The following LY75 variants were observed in gnomAD, a reference collection of about 807,000 sequenced individuals.
LY75 encodes the protein C-type lectin domain family 13 member B.
LY75 carries 185 observed loss-of-function variants against 231.7 expected under a neutral mutation model. The ratio of observed to expected loss-of-function variants is 0.80; its 90% CI spans 0.71 to 0.90. LY75 has a LOEUF of 0.90. Among genes scored for constraint, LY75 ranks in the 40% least tolerant of loss-of-function variants. The pLI is 0.00. For missense variants in LY75, 1,947 were observed against 2,050.2 expected (o/e 0.95, Z 0.97); for synonymous variants, 668 against 689.0 (o/e 0.97, Z 0.48).
At chr2:159,891,120 T>C (rs1390700541) in intron 3 of LY75, among the ~76,000 whole-genome samples, 1 of 152,168 alleles carries the variant, frequency 6.6e-6, no homozygotes, top group African/African-American at 2.4e-5. Flanking sequence ...CAATGCAGGC[T>C]GTGTCAAGTG....
intron 31 of LY75, among the ~76,000 whole-genome samples, chr2:159,813,530 C>T (rs938465554): frequency 1.3e-5 from 2 of 152,090 alleles, no homozygotes; most frequent in East Asian, 1.9e-4. Flanking sequence ...GAATCTGTCT[C>T]GTGCCTCCCT....
At chr2:159,853,724 T>C (rs1314051686) in intron 18 of LY75, 27 bp from the exon 19 acceptor site, 1 of 1,612,726 alleles carries the variant, frequency 6.2e-7, no homozygotes, top group Non-Finnish European at 8.5e-7. Context: ...ACATCCATCC[T>C]TATATGTGCT....
chr2:159,882,506 C>T (rs547488071), intron 6 of LY75, among the ~76,000 whole-genome samples, 191 bp from the exon 7 acceptor site: 23 of 152,092 alleles, frequency 1.5e-4, no homozygotes, highest in Non-Finnish European at 2.8e-4. Flanking sequence ...TAGGAATTCC[C>T]GCTGGGATTC....
intron 28 of LY75, among the ~76,000 whole-genome samples, chr2:159,825,431 G>A (rs2556093): frequency 0.41 from 62,148 of 152,034 alleles, 14,396 homozygotes; most frequent in Non-Finnish European, 0.52. Flanking sequence ...CCCTGAATAA[G>A]CCAATAACAA....
chr2:159,838,490 G>A (rs139767981), intron 25 of LY75, among the ~76,000 whole-genome samples: 46 of 152,208 alleles, frequency 3.0e-4, no homozygotes, highest in African/African-American at 1.1e-3. Context: ...CCAAAATATT[G>A]ATTGAATCAT....
chr2:159,803,627 A>AGT lies in LY75; in HGVS notation c.*1416_*1417insAC, dbSNP rs1396270477. On this transcript the variant is annotated 3_prime_UTR_variant, in exon 35 of 35. Transcript: ENST00000263636. ...AATAAATCTATGGATTTTATACAAA[A>AGT]ATAAAGTACAAATGTAAGTTAAATG... The AGT allele has an allele frequency of 1.4e-3, 28 of 19,476 alleles. No individual in the cohort carries two copies. Among genetic ancestry groups the AGT allele is most frequent in the South Asian group, 6.3e-3 (5 of 788 alleles). The allele number at this position is 19,476 out of a possible 1,614,324, so 1.2% of individuals were successfully genotyped here.
intron 29 of LY75, among the ~76,000 whole-genome samples, 195 bp downstream of exon 29, chr2:159,819,531 A>G (rs1160035412): frequency 6.6e-6 from 1 of 152,152 alleles, no homozygotes. Flanking sequence ...TGTCTCCACA[A>G]CTACATTTTA....
chr2:159,886,553 A>T (rs1040356850), intron 4 of LY75, 23 bp from the exon 5 acceptor site: 4 of 1,570,214 alleles, frequency 2.5e-6, no homozygotes, highest in Admixed American at 1.8e-5. Flanking sequence ...AAAAATTTTT[A>T]AAAAGTGACA....
At chr2:159,834,244 T>G (rs775137996) in intron 26 of LY75, 33 bp from the exon 27 acceptor site, 2 of 1,610,218 alleles carry the variant, frequency 1.2e-6, no homozygotes, top group Non-Finnish European at 8.5e-7. Flanking sequence ...GAATTCTAAT[T>G]TGAGATATAA....
intron 15 of LY75, among the ~76,000 whole-genome samples, chr2:159,859,844 C>G (rs1008082913): frequency 3.3e-5 from 5 of 152,154 alleles, no homozygotes; most frequent in Non-Finnish European, 7.3e-5. Context: ...TAGTGGCTGG[C>G]TCATAAAGGA....
At chr2:159,880,542 T>C (rs1685403439) in intron 8 of LY75, among the ~76,000 whole-genome samples, 1 of 152,206 alleles carries the variant, frequency 6.6e-6, no homozygotes, top group South Asian at 2.1e-4. Context: ...GAATGTGAGT[T>C]CTAAAGGGAT....
intron 14 of LY75, among the ~76,000 whole-genome samples, chr2:159,863,903 G>A (rs1489763631): frequency 6.6e-6 from 1 of 152,078 alleles, no homozygotes; most frequent in Non-Finnish European, 1.5e-5. Flanking sequence ...CCTTTTCTAT[G>A]TTATCATTGT....
chr2:159,805,125 C>A lies in LY75; in HGVS notation c.5088G>T (p.Leu1696Phe). ...LIWFLFQRHR[L>F]HLAGFSSVRY... The stretch of plus-strand genomic sequence containing the variant: ...GAACTGATGAGAAACCCGCCAGGTG[C>A]AAACGGTGCCTTTGGAAGAGGAACC... The change falls in exon 35 of 35, where the codon TTG becomes TTT. Residue 1696 changes from leucine (L) to phenylalanine (F), a missense_variant. Coordinates refer to ENST00000263636, the MANE Select transcript of LY75 (RefSeq NM_002349.4). 1 of 1,614,142 alleles carries A rather than the reference C, an allele frequency of 6.2e-7. No individual in the cohort carries two copies. Among genetic ancestry groups the A allele is most frequent in the Non-Finnish European group, 8.5e-7 (1 of 1,179,980 alleles).
intron 23 of LY75, among the ~76,000 whole-genome samples, chr2:159,847,586 G>A (rs1684241173): frequency 1.3e-5 from 2 of 152,134 alleles, no homozygotes; most frequent in South Asian, 4.2e-4. Flanking sequence ...CTAAGGTGGG[G>A]CAGGGGTAAC....
chr2:159,812,767 A>G (rs1044037686), intron 31 of LY75, among the ~76,000 whole-genome samples: 33 of 152,282 alleles, frequency 2.2e-4, no homozygotes, highest in African/African-American at 7.5e-4. Context: ...ACTCTGTTGT[A>G]CAACTATCAC....
Position 159,840,734 on chromosome 2 carries a change from G to T in LY75, c.3502C>A (p.Gln1168Lys), listed in dbSNP as rs142338826. Residue 1168 changes from glutamine to lysine, a missense_variant, in exon 25 of 35, where the codon CAA becomes AAA. Coordinates refer to ENST00000263636, the MANE Select transcript of LY75 (RefSeq NM_002349.4). ...AGTTGGGACTGAACACTTACATCTT[G>T]ACTGAAGAGTCCGATCCATAAGGAA... ...NSSLWIGLFSQDDELNFGWSD... is the reference protein window; with the variant it reads ...NSSLWIGLFSKDDELNFGWSD... 21 of 1,613,840 alleles carry T rather than the reference G, an allele frequency of 1.3e-5. No individual in the cohort carries two copies. Among genetic ancestry groups the T allele is most frequent in the Middle Eastern group, 3.3e-4 (2 of 6,078 alleles).
chr2:159,809,107 C>T (rs1226173071), intron 32 of LY75, among the ~76,000 whole-genome samples: 1 of 152,206 alleles, frequency 6.6e-6, no homozygotes, highest in Admixed American at 6.5e-5. Context: ...GGTTCCCACA[C>T]AAAAGTTCCC....
At chr2:159,805,529 A>G (rs1054965131) in intron 34 of LY75, among the ~76,000 whole-genome samples, 2 of 152,210 alleles carry the variant, frequency 1.3e-5, no homozygotes, top group Admixed American at 6.5e-5. Flanking sequence ...CCTAACACCA[A>G]TTTGGGAACA....
intron 17 of LY75, 71 bp downstream of exon 17, chr2:159,854,833 A>G (rs1684502741): frequency 3.8e-6 from 6 of 1,584,402 alleles, no homozygotes; most frequent in Non-Finnish European, 5.2e-6. Context: ...GCTGGCACTT[A>G]AATAATTAAC....
Sources: gnomAD v4.1 joint callset for allele counts (sites outside exome capture counted in the v4.1 genomes callset) on GRCh38, gnomAD v4.1.1 for gene constraint, MANE v1.5 for transcripts, NCBI Gene and HGNC (gene_info 2026-07-23, HGNC 2026-07-21) for gene names.